SH3BP4: variants seen among roughly 807,000 people sequenced by gnomAD.
SH3BP4 encodes SH3 domain binding protein 4.
SH3BP4 carries 33 observed loss-of-function variants against 65.5 expected under a neutral mutation model. That is an observed-to-expected ratio of 0.50 (90% CI 0.38 to 0.67). SH3BP4 has a LOEUF of 0.67. SH3BP4 is among the 30% of genes least tolerant of loss of function. SH3BP4 has a pLI of 0.00. For synonymous variants in SH3BP4, 552 were observed against 545.5 expected (o/e 1.01, Z -0.17); for missense variants, 1,134 against 1,261.4 (o/e 0.90, Z 1.53).
At chr2:235,004,297 G>A (rs1421760053) in intron 2 of SH3BP4, among the ~76,000 whole-genome samples, 2 of 152,066 alleles carry the variant, frequency 1.3e-5, no homozygotes, top group East Asian at 1.9e-4. Flanking sequence ...GCCTGTAGTC[G>A]CCTCGGTGGC....
Position 235,043,055 on chromosome 2 carries a change from C to T in SH3BP4, c.2286C>T (p.Leu762=), listed in dbSNP as rs192489963. ...TCTATGCCTCCGTGAGGACCCTGCT[C>T]ATGGAGAACATCAGCAGCTGGCGCT... ...TYIYASVRTL[L]MENISSWRSF... is the part of the protein sequence containing the mutation. Residue 762 remains leucine (L), a synonymous_variant, in exon 4 of 6, where the codon CTC becomes CTT. Transcript: ENST00000392011. The T allele has an allele frequency of 2.1e-5, 34 of 1,612,954 alleles. No individual in the cohort carries two copies. Among genetic ancestry groups the T allele is most frequent in the Middle Eastern group, 1.7e-4 (1 of 6,056 alleles).
At chr2:234,992,470 C>T (rs937146748) in intron 1 of SH3BP4, among the ~76,000 whole-genome samples, 6 of 152,210 alleles carry the variant, frequency 3.9e-5, no homozygotes, top group African/African-American at 1.4e-4. Flanking sequence ...TGCGTTCCTG[C>T]CATGTAGCTC....
intron 2 of SH3BP4, among the ~76,000 whole-genome samples, chr2:235,021,900 T>A (rs1248802582): frequency 6.6e-6 from 1 of 152,176 alleles, no homozygotes; most frequent in Non-Finnish European, 1.5e-5. Flanking sequence ...TGTTCAGGAA[T>A]TCATGCAGGA....
At position 235,044,679 on chromosome 2, in the gene SH3BP4, C is replaced by T. The variant is rs1016967039; in HGVS notation, c.2478+1432C>T. Among the ~76,000 whole-genome samples, 5 of 152,230 alleles carry T rather than the reference C, an allele frequency of 3.3e-5. 2 individuals carry two copies. The highest frequency in any genetic ancestry group is 3.3e-4 in the Admixed American group (5 of 15,290). Reference sequence around the variant, plus strand: ...CCTCCCCGGCTCCCCTGGATTGAGCCCTGTTTGTCTGGGAGAGCCCAGAGT... The same window carrying T: ...CCTCCCCGGCTCCCCTGGATTGAGCTCTGTTTGTCTGGGAGAGCCCAGAGT... On this transcript the variant is annotated intron_variant, in intron 4 of 5. Coordinates refer to ENST00000392011, the MANE Select transcript of SH3BP4 (RefSeq NM_014521.3).
At position 235,033,355 on chromosome 2, in the gene SH3BP4, T is replaced by A. The variant is rs142215884; in HGVS notation, c.-132-1516T>A. 6.6e-6 allele frequency among the ~76,000 whole-genome samples: 1 copy of A among 152,320 alleles called. No individual in the cohort carries two copies. The highest frequency in any genetic ancestry group is 1.9e-4 in the East Asian group (1 of 5,180). On this transcript the variant is annotated intron_variant, in intron 2 of 5. Coordinates refer to ENST00000392011, the MANE Select transcript of SH3BP4 (RefSeq NM_014521.3). The surrounding 1 kb of genome is among the most constrained non-coding windows in gnomAD (Gnocchi z 5.7). Reference sequence around the variant, plus strand: ...GTCTCAAATAAAGGCGCTGATCTGATCATGAGGACCCCACCTTCATGATCT... The same window carrying A: ...GTCTCAAATAAAGGCGCTGATCTGAACATGAGGACCCCACCTTCATGATCT...
Position 235,042,658 on chromosome 2 carries a change from A to G in SH3BP4, c.1889A>G (p.Glu630Gly). ...CAAAGGAGGTTTCTCAAGAAGAACG[A>G]AGTCGGGAAAATCATCCTGTCCCCG... Reference protein sequence around the residue: ...SGQRRFLKKNEVGKIILSPFA... With the variant: ...SGQRRFLKKNGVGKIILSPFA... Residue 630 changes from glutamate (E) to glycine (G), a missense_variant, in exon 4 of 6, where the codon GAA (glutamate) becomes GGA (glycine). Physicochemically the swap from Glu to Gly is moderately conservative, Grantham distance 98. Transcript: ENST00000392011. The surrounding 1 kb of genome is among the most constrained non-coding windows in gnomAD (Gnocchi z 7.3). The G allele has an allele frequency of 6.2e-7, 1 of 1,614,152 alleles. No homozygotes were observed. The highest frequency in any genetic ancestry group is 8.5e-7 in the Non-Finnish European group (1 of 1,180,032).
At chr2:234,961,666 A>T (rs973246171) in intron 1 of SH3BP4, among the ~76,000 whole-genome samples, 7 of 152,162 alleles carry the variant, frequency 4.6e-5, no homozygotes, top group African/African-American at 1.7e-4. Context: ...TTATTCTTAG[A>T]TACTGAGTTA....
At chr2:234,968,791 A>G (rs1396406983) in intron 1 of SH3BP4, among the ~76,000 whole-genome samples, 3 of 152,098 alleles carry the variant, frequency 2.0e-5, no homozygotes, top group African/African-American at 7.2e-5. Context: ...TTGCTTTGCA[A>G]TTTTACCAGT....
In SH3BP4 at chr2:234,997,581, G is replaced by A. The variant is rs1693961715; in HGVS notation, c.-133+2205G>A. On this transcript the variant is annotated intron_variant, in intron 2 of 5. Transcript: ENST00000392011. This position sits in a 1 kb window ranked among gnomAD's most constrained non-coding sequence, Gnocchi z 4.2. ...GCACGGCCGATTGCTCCTCCGGGGA[G>A]TGTCAGCTAGGGGACGGAGCCGGTG... Among the ~76,000 whole-genome samples, 1 of 152,194 alleles carries A rather than the reference G, an allele frequency of 6.6e-6. No individual in the cohort carries two copies. The highest frequency in any genetic ancestry group is 1.5e-5 in the Non-Finnish European group (1 of 68,036).
chr2:235,052,762 CT>C lies in SH3BP4; in HGVS notation c.2667+13del, dbSNP rs1559262745. On this transcript the variant is annotated intron_variant, in intron 5 of 5. Transcript: ENST00000392011. This position sits in a 1 kb window ranked among gnomAD's most constrained non-coding sequence, Gnocchi z 5.0. ...TTGTGGACAGCGAGGTGAGCAGCGG[CT>C]GAGCTTCGAGCTCACCGAGCCCCTC... 6.4e-7 allele frequency: 1 copy of C among 1,564,118 alleles called. No homozygotes were observed. Among genetic ancestry groups the C allele is most frequent in the Admixed American group, 1.9e-5 (1 of 53,540 alleles).
chr2:235,044,793 G>C (rs530768701), intron 4 of SH3BP4, among the ~76,000 whole-genome samples: 1 of 152,222 alleles, frequency 6.6e-6, no homozygotes, highest in Non-Finnish European at 1.5e-5. Context: ...CAGAAGGGAC[G>C]CAGCCCGGCA....
chr2:235,038,273 A>ATATAT (rs1214470856), intron 3 of SH3BP4, among the ~76,000 whole-genome samples: 2 of 26,050 alleles, frequency 7.7e-5, no homozygotes, highest in Admixed American at 7.6e-4. Flanking sequence ...TATTATATAT[A>ATATAT]ATATATATTA....
chr2:234,966,794 G>A (rs755955773), intron 1 of SH3BP4, among the ~76,000 whole-genome samples: 7 of 152,098 alleles, frequency 4.6e-5, no homozygotes, highest in African/African-American at 1.2e-4. Context: ...TTTCATTGGC[G>A]GCAAATGGAC....
chr2:234,984,734 C>T (rs1298596557), intron 1 of SH3BP4, among the ~76,000 whole-genome samples: 1 of 152,084 alleles, frequency 6.6e-6, no homozygotes, highest in Admixed American at 6.6e-5. Context: ...GACAGAAAAC[C>T]CAGTGGTCTA....
intron 3 of SH3BP4, among the ~76,000 whole-genome samples, chr2:235,036,248 T>C (rs933447955): frequency 6.6e-6 from 1 of 152,198 alleles, no homozygotes; most frequent in African/African-American, 2.4e-5. Flanking sequence ...GTCTAGCCCG[T>C]GTGAGATTTT....
At chr2:235,002,142 G>A (rs983110621) in intron 2 of SH3BP4, among the ~76,000 whole-genome samples, 1 of 152,218 alleles carries the variant, frequency 6.6e-6, no homozygotes, top group African/African-American at 2.4e-5. Flanking sequence ...GATTACAGGT[G>A]TGAGCCACCA....
chr2:234,960,960 A>T (rs1179362224), intron 1 of SH3BP4, among the ~76,000 whole-genome samples: 1 of 152,182 alleles, frequency 6.6e-6, no homozygotes, highest in Non-Finnish European at 1.5e-5. Flanking sequence ...CTGCAATATG[A>T]GAAGTTCCTT....
intron 1 of SH3BP4, among the ~76,000 whole-genome samples, chr2:234,969,847 A>G (rs1483061070): frequency 2.0e-5 from 3 of 152,036 alleles, no homozygotes; most frequent in South Asian, 4.2e-4. Flanking sequence ...GCGCACACAC[A>G]CACCCCCTCT....
chr2:234,995,874 C>T (rs1693899837), intron 2 of SH3BP4: 2 of 152,294 alleles, frequency 1.3e-5, no homozygotes, highest in African/African-American at 2.4e-5. Flanking sequence ...AGAGGTCACC[C>T]TCCCTGGGGC....
Sources: gnomAD v4.1 joint callset for allele counts (sites outside exome capture counted in the v4.1 genomes callset) on GRCh38, gnomAD v4.1.1 for gene constraint, Gnocchi (gnomAD v3.1) non-coding constraint, MANE v1.5 for transcripts, NCBI Gene and HGNC (gene_info 2026-07-23, HGNC 2026-07-21) for gene names.